SWT1: variants seen among roughly 807,000 people sequenced by gnomAD.
SWT1 encodes the protein SWT1 RNA endoribonuclease homolog, also known as transcriptional protein SWT1.
A neutral mutation model predicts 107.3 loss-of-function variants in SWT1; 33 were observed. That is an observed-to-expected ratio of 0.31 (90% CI 0.23 to 0.41). The LOEUF (loss-of-function observed/expected upper bound fraction) is 0.41. Ranked by LOEUF, SWT1 falls within the 10% of genes least tolerant of loss-of-function variation. SWT1 has a pLI of 1.00. For missense variants in SWT1, 898 were observed against 1,028.9 expected (o/e 0.87, Z 1.74); for synonymous variants, 345 against 348.3 (o/e 0.99, Z 0.11).
chr1:185,281,643 T>C (rs1664628666), intron 18 of SWT1: 1 of 183,574 alleles, frequency 5.4e-6, no homozygotes, highest in East Asian at 1.5e-4. Context: ...TACTTGGCCT[T>C]GCTGATCTGT....
Position 185,257,522 on chromosome 1 carries a change from C to T in SWT1, c.2442-13801C>T, listed in dbSNP as rs573455219. ...AAGCCGGTCGGAAAAGCGCAGTATT[C>T]GGGTGGGAGTGACCCGATTTTCCAG... On this transcript the variant is annotated intron_variant, in intron 16 of 18. Coordinates refer to ENST00000367500, the MANE Select transcript of SWT1 (RefSeq NM_017673.7). 2.4e-3 allele frequency among the ~76,000 whole-genome samples: 358 copies of T among 152,308 alleles called. 2 individuals are homozygous for T. Among genetic ancestry groups the T allele is most frequent in the African/African-American group, 6.9e-3 (287 of 41,566 alleles).
chr1:185,231,629 A>C lies in SWT1; in HGVS notation c.2362A>C (p.Ile788Leu). ...GSNSALTTSN[I>L]ASFEEAFICL... ...AAATTCAGCTCTGACTACTTCAAAT[A>C]TAGCATCATTTGAAGAAGCATTTAT... Residue 788 changes from isoleucine (I) to leucine (L), a missense_variant, in exon 16 of 19, where the codon ATA (isoleucine) becomes CTA (leucine). This residue lies in a region of SWT1 where 382 missense variants were observed against 460.0 expected (regional missense o/e 0.83). Transcript: ENST00000367500. The C allele has an allele frequency of 6.2e-7, 1 of 1,605,330 alleles. No individual in the cohort carries two copies. Among genetic ancestry groups the C allele is most frequent in the Non-Finnish European group, 8.5e-7 (1 of 1,172,382 alleles).
intron 13 of SWT1, among the ~76,000 whole-genome samples, chr1:185,212,405 A>T (rs1658890685): frequency 6.6e-6 from 1 of 151,944 alleles, no homozygotes; most frequent in Non-Finnish European, 1.5e-5. Flanking sequence ...CGCAGCTGAG[A>T]GGTGGTAGGT....
chr1:185,228,199 A>ATATATATATG (rs1205547458), intron 15 of SWT1, among the ~76,000 whole-genome samples: 1 of 121,292 alleles, frequency 8.2e-6, no homozygotes, highest in African/African-American at 3.5e-5. Context: ...ACATATATAT[A>ATATATATATG]TACTCAGTAT....
chr1:185,162,888 C>T (rs1654268035), intron 2 of SWT1, among the ~76,000 whole-genome samples: 2 of 151,184 alleles, frequency 1.3e-5, no homozygotes, highest in South Asian at 2.1e-4. Context: ...GAGTTTGAGG[C>T]TCAAGGGATC....
chr1:185,251,231 C>A (rs897642417), intron 16 of SWT1: 2 of 152,166 alleles, frequency 1.3e-5, no homozygotes, highest in African/African-American at 4.8e-5. Flanking sequence ...ACTGGTGCCA[C>A]CTAACTTCTT....
intron 15 of SWT1, among the ~76,000 whole-genome samples, chr1:185,229,679 G>C (rs1193475856): frequency 2.0e-5 from 3 of 151,876 alleles, no homozygotes; most frequent in Admixed American, 6.6e-5. Flanking sequence ...TCCAGAAAAA[G>C]ATGAAGAAAG....
intron 18 of SWT1, chr1:185,281,904 T>G (rs1344773261): frequency 6.6e-6 from 1 of 152,314 alleles, no homozygotes; most frequent in Admixed American, 6.5e-5. Flanking sequence ...CTTTTAGTGC[T>G]TTTTGAAAAG....
chr1:185,182,480 C>A (rs1017231532), intron 7 of SWT1, among the ~76,000 whole-genome samples: 2 of 151,912 alleles, frequency 1.3e-5, no homozygotes, highest in African/African-American at 4.8e-5. Flanking sequence ...CCAGCCTGGG[C>A]AGCATAGTGA....
At chr1:185,260,137 G>C (rs967367343) in intron 16 of SWT1, among the ~76,000 whole-genome samples, 6 of 152,208 alleles carry the variant, frequency 3.9e-5, no homozygotes, top group African/African-American at 1.4e-4. Context: ...TGGCTTAGGT[G>C]GTACCAAATA....
intron 16 of SWT1, among the ~76,000 whole-genome samples, 184 bp downstream of exon 16, chr1:185,231,892 G>A (rs543804032): frequency 3.3e-5 from 5 of 152,030 alleles, no homozygotes; most frequent in African/African-American, 7.2e-5. Flanking sequence ...CAGTTTTATC[G>A]TTATGTACCA....
At chr1:185,234,652 TATG>T (rs1660735407) in intron 16 of SWT1, among the ~76,000 whole-genome samples, 1 of 152,174 alleles carries the variant, frequency 6.6e-6, no homozygotes. Flanking sequence ...ATCCTGCCAT[TATG>T]ATGTTAGCTG....
rs1558017967 is a variant in SWT1, at chr1:185,180,410, G to A, written c.986G>A (p.Cys329Tyr). 1 of 1,613,334 alleles carries A rather than the reference G, an allele frequency of 6.2e-7. No homozygotes were observed. Among genetic ancestry groups the A allele is most frequent in the Non-Finnish European group, 8.5e-7 (1 of 1,179,354 alleles). The change falls in exon 6 of 19, where the codon TGT becomes TAT. Residue 329 changes from cysteine (C) to tyrosine (Y), a missense_variant. Physicochemically the swap from Cys to Tyr is radical, Grantham distance 194. Coordinates refer to ENST00000367500, the MANE Select transcript of SWT1 (RefSeq NM_017673.7). ...NLTQSFEAPC[C>Y]SVSSESIQDA... Reference sequence around the variant, plus strand: ...TTTCAGAGTTTTGAAGCACCATGTTGTTCCGTGTCATCTGAAAGTATCCAG... The same window carrying A: ...TTTCAGAGTTTTGAAGCACCATGTTATTCCGTGTCATCTGAAAGTATCCAG...
At chr1:185,230,672 C>G (rs1313085631) in intron 15 of SWT1, among the ~76,000 whole-genome samples, 1 of 151,988 alleles carries the variant, frequency 6.6e-6, no homozygotes, top group Non-Finnish European at 1.5e-5. Context: ...TAAATTTTCT[C>G]TACTTTTATT....
chr1:185,238,101 C>T (rs528991889), intron 16 of SWT1, among the ~76,000 whole-genome samples: 2 of 152,098 alleles, frequency 1.3e-5, no homozygotes, highest in Non-Finnish European at 2.9e-5. Flanking sequence ...GTCTTCCCAC[C>T]TCAGTCTCCT....
chr1:185,158,622 G>T (rs1231078046), intron 1 of SWT1, among the ~76,000 whole-genome samples: 1 of 151,766 alleles, frequency 6.6e-6, no homozygotes, highest in Non-Finnish European at 1.5e-5. Flanking sequence ...CTGGAAACCA[G>T]ATTAAAAGGG....
At position 185,167,270 on chromosome 1, in the gene SWT1, G is replaced by A. The variant is rs1654663417; in HGVS notation, c.165+618G>A. 1.3e-5 allele frequency among the ~76,000 whole-genome samples: 2 copies of A among 152,212 alleles called. 1 individual carries two copies. Among genetic ancestry groups the A allele is most frequent in the South Asian group, 4.1e-4 (2 of 4,822 alleles). On this transcript the variant is annotated intron_variant, in intron 3 of 18. Coordinates refer to ENST00000367500, the MANE Select transcript of SWT1 (RefSeq NM_017673.7). The stretch of plus-strand genomic sequence containing the variant: ...TAGAAGGTTAAGTGACTTTTCCAAG[G>A]CCACAAAACTGTGTACAGCAACAGA...
intron 4 of SWT1, among the ~76,000 whole-genome samples, chr1:185,170,506 C>G (rs1048494167): frequency 1.5e-4 from 23 of 152,164 alleles, no homozygotes; most frequent in African/African-American, 5.6e-4. Flanking sequence ...GTGACTTCTT[C>G]GTGCCCCCAT....
intron 16 of SWT1, among the ~76,000 whole-genome samples, chr1:185,264,791 A>C (rs1663258869): frequency 6.6e-6 from 1 of 152,188 alleles, no homozygotes; most frequent in African/African-American, 2.4e-5. Context: ...CTGGTGACCC[A>C]AGATAAAAGA....
Sources: allele counts gnomAD v4.1 joint callset (sites outside exome capture counted in the v4.1 genomes callset), GRCh38; gene constraint gnomAD v4.1.1; regional missense constraint gnomAD v4.1.1; transcripts MANE v1.5; gene names NCBI Gene and HGNC (gene_info 2026-07-23, HGNC 2026-07-21).